The following PKN2 variants were observed in gnomAD, a reference collection of about 807,000 sequenced individuals.
PKN2 encodes protein kinase N2.
In PKN2, 38 loss-of-function variants were observed where a neutral mutation model predicts 119.1. The ratio of observed to expected loss-of-function variants is 0.32; its 90% CI spans 0.25 to 0.42. PKN2 has a LOEUF of 0.42. Among genes scored for constraint, PKN2 ranks in the 10% least tolerant of loss-of-function variants. The probability of loss-of-function intolerance (pLI) is 1.00; values close to 1 mark genes in which losing one functional copy is unlikely to be tolerated. For missense variants in PKN2, 850 were observed against 1,165.1 expected, an observed-to-expected ratio of 0.73 and a Z score of 3.94; for synonymous variants, 390 against 384.9, an observed-to-expected ratio of 1.01 and a Z score of -0.15.
intron 1 of PKN2, among the ~76,000 whole-genome samples, chr1:88,713,688 G>A (rs569676194): frequency 8.6e-5 from 13 of 152,040 alleles, no homozygotes; most frequent in African/African-American, 2.2e-4. Context: ...GCCCTTTGTC[G>A]GATGAATAGA....
chr1:88,726,116 A>G (rs576672450), intron 1 of PKN2, among the ~76,000 whole-genome samples: 16 of 152,246 alleles, frequency 1.1e-4, no homozygotes, highest in Middle Eastern at 3.4e-3. Flanking sequence ...GGGATTTTCT[A>G]TATACATGAC....
At chr1:88,800,663 C>CG (rs1671267734) in intron 8 of PKN2, among the ~76,000 whole-genome samples, 2 of 152,176 alleles carry the variant, frequency 1.3e-5, no homozygotes, top group Admixed American at 6.5e-5. Context: ...GTGAACACTT[C>CG]GAGAACCTCA....
At chr1:88,722,028 A>G (rs1434875816) in intron 1 of PKN2, among the ~76,000 whole-genome samples, 1 of 152,218 alleles carries the variant, frequency 6.6e-6, no homozygotes, top group Non-Finnish European at 1.5e-5. Context: ...ACGAAAGTTG[A>G]TAGAATTGAT....
At chr1:88,685,282 T>C (rs933702031) in intron 1 of PKN2, 1 of 151,602 alleles carries the variant, frequency 6.6e-6, no homozygotes, top group Admixed American at 6.6e-5. Flanking sequence ...GAGTGATAAA[T>C]ACAGGGTGCC....
chr1:88,786,864 T>C (rs1670598841), intron 8 of PKN2, among the ~76,000 whole-genome samples: 1 of 151,868 alleles, frequency 6.6e-6, no homozygotes, highest in Admixed American at 6.6e-5. Flanking sequence ...ATTAATTATG[T>C]TAAAGCAGAT....
At chr1:88,752,892 A>G (rs1570578714) in intron 2 of PKN2, among the ~76,000 whole-genome samples, 1 of 152,110 alleles carries the variant, frequency 6.6e-6, no homozygotes, top group Non-Finnish European at 1.5e-5. Context: ...CATTTAGCCT[A>G]TTTAAATGAT....
chr1:88,770,690 A>G (rs1473912652), intron 4 of PKN2, among the ~76,000 whole-genome samples: 2 of 147,076 alleles, frequency 1.4e-5, no homozygotes, highest in African/African-American at 5.1e-5. Context: ...GGTTCACGCC[A>G]TTCTCCTGCC....
At chr1:88,832,966 G>A in intron 20 of PKN2, 111 bp from the exon 21 acceptor site, 1 of 1,253,822 alleles carries the variant, frequency 8.0e-7, no homozygotes, top group Non-Finnish European at 1.1e-6. Flanking sequence ...ATGTTGCATG[G>A]CTTAGACAAA....
At chr1:88,806,357 A>T in intron 12 of PKN2, 1 of 273,400 alleles carries the variant, frequency 3.7e-6, no homozygotes, top group South Asian at 3.9e-5. Context: ...TTCAGTAGAG[A>T]TGGGATTTCA....
At position 88,804,445 on chromosome 1, in the gene PKN2, G is replaced by A; in HGVS notation, c.1336G>A (p.Val446Ile). ...GCGTGATTGGCGGTCTCTGTGTGCT[G>A]TAAAATTTCTGAGGTTAGAAGATTT... ...YWRDWRSLCA[V>I]KFLRLEDFLD... is the part of the protein sequence containing the mutation. Residue 446 changes from valine (V) to isoleucine (I), a missense_variant, in exon 9 of 22, where the codon GTA becomes ATA. This residue lies in a region of PKN2 where 350 missense variants were observed against 511.1 expected (regional missense o/e 0.68). Transcript: ENST00000370521. The A allele has an allele frequency of 6.2e-7, 1 of 1,613,462 alleles. No homozygotes were observed. The highest frequency in any genetic ancestry group is 8.5e-7 in the Non-Finnish European group (1 of 1,179,638).
intron 6 of PKN2, among the ~76,000 whole-genome samples, chr1:88,777,678 A>G (rs1418644036): frequency 1.3e-5 from 2 of 152,200 alleles, no homozygotes; most frequent in Non-Finnish European, 2.9e-5. Context: ...ACCCAACTAA[A>G]TGAATGGACC....
chr1:88,693,392 TA>T (rs1182814858), intron 1 of PKN2, among the ~76,000 whole-genome samples: 2 of 152,128 alleles, frequency 1.3e-5, no homozygotes, highest in African/African-American at 2.4e-5. Flanking sequence ...CATCTTTTGA[TA>T]AAAAAAATTC....
chr1:88,690,875 C>T (rs1386632163), intron 1 of PKN2, among the ~76,000 whole-genome samples: 2 of 152,100 alleles, frequency 1.3e-5, no homozygotes, highest in Non-Finnish European at 2.9e-5. Flanking sequence ...ACAAGACTTA[C>T]ATAATATTGT....
At chr1:88,760,862 T>C (rs923554107) in intron 3 of PKN2, among the ~76,000 whole-genome samples, 2 of 152,174 alleles carry the variant, frequency 1.3e-5, no homozygotes, top group South Asian at 2.1e-4. Context: ...TTTTACCTTA[T>C]GGGTAAAGGA....
At chr1:88,696,466 C>T (rs1010803467) in intron 1 of PKN2, among the ~76,000 whole-genome samples, 1 of 152,152 alleles carries the variant, frequency 6.6e-6, no homozygotes, top group Non-Finnish European at 1.5e-5. Context: ...TATACTGGTT[C>T]TCTTTGCTCT....
At chr1:88,822,160 A>G (rs555910859) in intron 17 of PKN2, among the ~76,000 whole-genome samples, 157 bp downstream of exon 17, 1 of 152,362 alleles carries the variant, frequency 6.6e-6, no homozygotes, top group South Asian at 2.1e-4. Context: ...CGTGGTTAGC[A>G]CTATGATTAT....
intron 1 of PKN2, chr1:88,685,011 C>T (rs755026782): frequency 1.1e-4 from 22 of 209,310 alleles, no homozygotes; most frequent in Non-Finnish European, 1.9e-4. Context: ...GGCCGGGCCC[C>T]GCCCCGCCTT....
intron 16 of PKN2, among the ~76,000 whole-genome samples, chr1:88,814,227 T>C (rs1428036102): frequency 2.6e-5 from 4 of 152,200 alleles, no homozygotes; most frequent in South Asian, 2.1e-4. Context: ...GAAACTGGTA[T>C]GTGTGTTGCC....
intron 15 of PKN2, among the ~76,000 whole-genome samples, chr1:88,808,440 G>A (rs1267404792): frequency 6.6e-6 from 1 of 151,902 alleles, no homozygotes; most frequent in Non-Finnish European, 1.5e-5. Context: ...TGAGTAGCTG[G>A]GACTACAGAC....
Sources: gnomAD v4.1 joint callset for allele counts (sites outside exome capture counted in the v4.1 genomes callset) on GRCh38, gnomAD v4.1.1 for gene constraint, gnomAD v4.1.1 regional missense constraint, MANE v1.5 for transcripts, NCBI Gene and HGNC (gene_info 2026-07-23, HGNC 2026-07-21) for gene names.